The following XKR9 variants were observed in gnomAD, a reference collection of about 807,000 sequenced individuals.
The protein encoded by XKR9 is XK-related protein 9.
Under a neutral mutation model 32.0 loss-of-function variants are expected in XKR9, and 32 were observed. The observed-to-expected ratio is 1.00, with a 90% CI of 0.76 to 1.34. XKR9 has a LOEUF of 1.34. XKR9 is among the 40% of genes most tolerant of loss of function. XKR9 has a pLI of 0.00. For missense variants in XKR9, 546 were observed against 429.7 expected, an observed-to-expected ratio of 1.27 and a Z score of -2.39; for synonymous variants, 168 against 143.4, an observed-to-expected ratio of 1.17 and a Z score of -1.22.
At chr8:71,034,807 A>C in the XKR9 span, among the ~76,000 whole-genome samples, 1 of 152,144 alleles carries the variant, frequency 6.6e-6, no homozygotes, top group Non-Finnish European at 1.5e-5. Flanking sequence ...AGGAATCTAT[A>C]AGCATAATAA....
the XKR9 span, among the ~76,000 whole-genome samples, chr8:70,833,512 TA>T: frequency 1.2e-4 from 18 of 149,788 alleles, no homozygotes; most frequent in Admixed American, 4.0e-4. Context: ...ACTTGTTAGT[TA>T]AAAAAAAAAT....
At chr8:70,896,839 G>C in the XKR9 span, among the ~76,000 whole-genome samples, 7 of 151,986 alleles carry the variant, frequency 4.6e-5, no homozygotes, top group Non-Finnish European at 7.4e-5. Flanking sequence ...GGTAAATGAG[G>C]TACCCATCAC....
the XKR9 span, among the ~76,000 whole-genome samples, chr8:70,827,961 C>G: frequency 6.6e-6 from 1 of 151,926 alleles, no homozygotes; most frequent in African/African-American, 2.4e-5. Flanking sequence ...TTTAATATAT[C>G]CAGTGAACAC....
the XKR9 span, among the ~76,000 whole-genome samples, chr8:71,025,605 C>T: frequency 6.6e-6 from 1 of 152,166 alleles, no homozygotes; most frequent in Admixed American, 6.5e-5. Context: ...GCCTTCTTCC[C>T]ATCAGTGTCA....
intron 4 of XKR9, among the ~76,000 whole-genome samples, chr8:70,713,633 A>G: frequency 6.6e-6 from 1 of 151,710 alleles, no homozygotes; most frequent in East Asian, 1.9e-4. Context: ...CTAAATGAAT[A>G]TTGGCATTTT....
chr8:70,707,022 A>G lies in XKR9; in HGVS notation c.362A>G (p.His121Arg), dbSNP rs373523226. 8 of 1,613,342 alleles carry G rather than the reference A, an allele frequency of 5.0e-6. No individual in the cohort carries two copies. Among genetic ancestry groups the G allele is most frequent in the Admixed American group, 1.7e-5 (1 of 59,972 alleles). Reference sequence around the variant, plus strand: ...TTCGTGGAAGAACAAATTGATCTACATAAAGAAGTTATAGATAGAGTGACT... The same window carrying G: ...TTCGTGGAAGAACAAATTGATCTACGTAAAGAAGTTATAGATAGAGTGACT... ...SNFVEEQIDL[H>R]KEVIDRVTDL... Residue 121 changes from histidine to arginine, a missense_variant, in exon 4 of 5, where the codon CAT becomes CGT. His to Arg is a conservative substitution (Grantham distance 29, BLOSUM62 0). Coordinates refer to ENST00000408926, the MANE Select transcript of XKR9 (RefSeq NM_001011720.2).
intron 2 of XKR9, among the ~76,000 whole-genome samples, chr8:70,756,227 A>G (rs974189752): frequency 1.3e-4 from 20 of 152,172 alleles, no homozygotes; most frequent in Non-Finnish European, 2.4e-4. Flanking sequence ...ACTACTCTAT[A>G]TATCTGTTCT....
At chr8:70,946,537 T>C in the XKR9 span, among the ~76,000 whole-genome samples, 1 of 152,196 alleles carries the variant, frequency 6.6e-6, no homozygotes. Flanking sequence ...ATGGGCAAAC[T>C]GAAAACTAAG....
the XKR9 span, among the ~76,000 whole-genome samples, chr8:71,004,587 T>C: frequency 6.6e-6 from 1 of 152,228 alleles, no homozygotes; most frequent in Non-Finnish European, 1.5e-5. Context: ...TGGGAGAATC[T>C]TATCTCTGTG....
At chr8:70,716,504 G>A (rs1806094373) in intron 4 of XKR9, among the ~76,000 whole-genome samples, 1 of 152,082 alleles carries the variant, frequency 6.6e-6, no homozygotes. Flanking sequence ...ATGGTGACAG[G>A]AAGAATGAGA....
chr8:70,840,181 C>T, the XKR9 span, among the ~76,000 whole-genome samples: 1 of 152,156 alleles, frequency 6.6e-6, no homozygotes, highest in Admixed American at 6.5e-5. Flanking sequence ...ATCTTCTGGC[C>T]TTGGCCTAGT....
At chr8:70,957,844 G>A in the XKR9 span, among the ~76,000 whole-genome samples, 1 of 137,366 alleles carries the variant, frequency 7.3e-6, no homozygotes, top group African/African-American at 2.7e-5. Flanking sequence ...CTGGAGTGCA[G>A]TGGCATGATC....
At chr8:70,810,570 A>G in the XKR9 span, among the ~76,000 whole-genome samples, 7 of 152,082 alleles carry the variant, frequency 4.6e-5, no homozygotes, top group Non-Finnish European at 1.5e-5. Flanking sequence ...ACACACATAG[A>G]CTCAAAATAA....
the XKR9 span, among the ~76,000 whole-genome samples, chr8:71,050,272 T>TAG: frequency 1.6e-5 from 1 of 62,524 alleles, no homozygotes; most frequent in African/African-American, 6.2e-5. Context: ...GATAGATAGA[T>TAG]AGATATAGAT....
intron 2 of XKR9, among the ~76,000 whole-genome samples, chr8:70,759,565 G>T (rs749653160): frequency 1.4e-4 from 22 of 152,078 alleles, no homozygotes; most frequent in Non-Finnish European, 2.9e-4. Context: ...TGAAGGTATG[G>T]TTATGACATC....
chr8:70,719,455 T>G (rs1806203007), intron 4 of XKR9, among the ~76,000 whole-genome samples: 1 of 152,206 alleles, frequency 6.6e-6, no homozygotes, highest in Non-Finnish European at 1.5e-5. Flanking sequence ...GTTTAAGTCT[T>G]TAATCCATCT....
chr8:70,997,299 A>G, the XKR9 span, among the ~76,000 whole-genome samples: 4 of 152,088 alleles, frequency 2.6e-5, no homozygotes, highest in Non-Finnish European at 4.4e-5. Flanking sequence ...CTCCATCTCA[A>G]AAAAACAAAC....
the XKR9 span, among the ~76,000 whole-genome samples, chr8:70,816,045 G>A: frequency 1.1e-4 from 16 of 152,056 alleles, no homozygotes; most frequent in South Asian, 4.2e-4. Flanking sequence ...TATTCTACCC[G>A]GGAGGCAGAG....
At chr8:71,009,081 GGTGGTAA>G in the XKR9 span, among the ~76,000 whole-genome samples, 4 of 152,114 alleles carry the variant, frequency 2.6e-5, no homozygotes, top group Non-Finnish European at 5.9e-5. Flanking sequence ...TGGGAGAGAA[GGTGGTAA>G]GTGGATGAGG....
Sources: allele counts gnomAD v4.1 joint callset (sites outside exome capture counted in the v4.1 genomes callset), GRCh38; gene constraint gnomAD v4.1.1; transcripts MANE v1.5; gene names NCBI Gene and HGNC (gene_info 2026-07-23, HGNC 2026-07-21).